Variants in COL6A6 observed in about 807,000 individuals in gnomAD.
COL6A6 encodes the protein collagen alpha-6(VI) chain.
COL6A6 carries 183 observed loss-of-function variants against 208.6 expected under a neutral mutation model. The observed-to-expected ratio is 0.88, with a 90% CI of 0.78 to 0.99. COL6A6 has a LOEUF of 0.99. Among genes scored for constraint, COL6A6 ranks in the 50% least tolerant of loss-of-function variants. The pLI is 0.00. For missense variants in COL6A6, 2,816 were observed against 2,815.2 expected, an observed-to-expected ratio of 1.00 and a Z score of -0.01; for synonymous variants, 973 against 1,011.8, an observed-to-expected ratio of 0.96 and a Z score of 0.73.
At chr3:130,628,466 A>G (rs1434555612) in intron 26 of COL6A6, among the ~76,000 whole-genome samples, 1 of 152,244 alleles carries the variant, frequency 6.6e-6, no homozygotes, top group African/African-American at 2.4e-5. Flanking sequence ...CAAAATGTAT[A>G]TAATCTTTCT....
In COL6A6 at chr3:130,563,197, G is replaced by C; in HGVS notation, c.194G>C (p.Arg65Pro). Residue 65 changes from arginine (R) to proline (P), a missense_variant, in exon 3 of 37, where the codon CGT becomes CCT. Transcript: ENST00000358511. ...CTCCCCATAGAGGCCGACAAATACC[G>C]TGTGGCCCTGGCCCAGTACAGTGAT... ...SSLPIEADKY[R>P]VALAQYSDKL... is the part of the protein sequence containing the mutation. 6.2e-7 allele frequency: 1 copy of C among 1,613,960 alleles called. No homozygotes were observed. The highest frequency in any genetic ancestry group is 8.5e-7 in the Non-Finnish European group (1 of 1,179,888).
chr3:130,590,626 G>T (rs1399722378), intron 12 of COL6A6, among the ~76,000 whole-genome samples: 1 of 151,876 alleles, frequency 6.6e-6, no homozygotes, highest in Non-Finnish European at 1.5e-5. Context: ...GGAGTGCAGT[G>T]GTGCGATCTC....
At chr3:130,572,008 C>G (rs1202579211) in intron 7 of COL6A6, among the ~76,000 whole-genome samples, 2 of 152,126 alleles carry the variant, frequency 1.3e-5, no homozygotes, top group Non-Finnish European at 2.9e-5. Context: ...GAACAGCCTT[C>G]ATTAGAACAC....
At position 130,565,364 on chromosome 3, in the gene COL6A6, A is replaced by G; in HGVS notation, c.1032A>G (p.Ser344=). 6.2e-7 allele frequency: 1 copy of G among 1,613,984 alleles called. No homozygotes were observed. The highest frequency in any genetic ancestry group is 1.6e-4 in the Middle Eastern group (1 of 6,062). Residue 344 remains serine, a synonymous_variant, in exon 4 of 37, where the codon TCA becomes TCG. Transcript: ENST00000358511. The stretch of plus-strand genomic sequence containing the variant: ...CCGTGCTGGTGACCCACCGAGATTC[A>G]GAAGACAACGTGACAAAAGCAGCTG... The part of the protein sequence containing the change: ...QIAVLVTHRD[S]EDNVTKAAVN...
chr3:130,584,279 ACT>A (rs2063486700), intron 10 of COL6A6, among the ~76,000 whole-genome samples: 1 of 152,126 alleles, frequency 6.6e-6, no homozygotes, highest in Non-Finnish European at 1.5e-5. Flanking sequence ...GGTTCTTATG[ACT>A]CTTAAAATTT....
chr3:130,596,990 C>T (rs758349066), intron 18 of COL6A6, among the ~76,000 whole-genome samples: 40 of 152,140 alleles, frequency 2.6e-4, no homozygotes, highest in Admixed American at 1.6e-3. Flanking sequence ...TAAATCGGTT[C>T]AGATTCACAT....
chr3:130,540,981 C>T (rs2062349220), intron 1 of COL6A6, among the ~76,000 whole-genome samples: 1 of 152,106 alleles, frequency 6.6e-6, no homozygotes, highest in African/African-American at 2.4e-5. Flanking sequence ...GTGCATATAT[C>T]TTTATAATAG....
intron 34 of COL6A6, among the ~76,000 whole-genome samples, chr3:130,659,473 T>C (rs1349198661): frequency 6.6e-6 from 1 of 152,244 alleles, no homozygotes; most frequent in Non-Finnish European, 1.5e-5. Context: ...ATATCAATGA[T>C]GGTGATAATG....
rs201848897 is a variant in COL6A6 at position 130,543,842 on chromosome 3, GTTTAT to G, written c.-31-16487_-31-16483del. On this transcript the variant is annotated intron_variant, in intron 1 of 36. Coordinates refer to ENST00000358511, the MANE Select transcript of COL6A6 (RefSeq NM_001102608.3). ...CTGACATACATAATTTTTCTTCTAA[GTTTAT>G]TTTAATATTTCTTGCAAAGAAGGTC... Among the ~76,000 whole-genome samples the G allele has an allele frequency of 8.7e-3, 1,307 of 150,318 alleles. 17 individuals carry two copies. Among genetic ancestry groups the G allele is most frequent in the African/African-American group, 0.031 (1,228 of 39,744 alleles).
chr3:130,600,599 G>A (rs2063984386), intron 20 of COL6A6, among the ~76,000 whole-genome samples: 1 of 152,122 alleles, frequency 6.6e-6, no homozygotes, highest in East Asian at 1.9e-4. Flanking sequence ...TCATCCTCAG[G>A]AAACTAACAC....
chr3:130,547,383 T>C (rs1577666673), intron 1 of COL6A6, among the ~76,000 whole-genome samples: 1 of 152,228 alleles, frequency 6.6e-6, no homozygotes. Flanking sequence ...CGGCACCCAC[T>C]GGGAACTCGC....
intron 19 of COL6A6, 40 bp from the exon 20 acceptor site, chr3:130,599,717 T>C (rs372501264): frequency 5.6e-6 from 9 of 1,608,562 alleles, no homozygotes; most frequent in South Asian, 2.2e-5. Flanking sequence ...CTGTCAATGC[T>C]GCATAATTAC....
rs375095337 is a variant in COL6A6, at chr3:130,652,209, C to T, written c.5733+2647C>T. Among the ~76,000 whole-genome samples, 6 of 152,260 alleles carry T rather than the reference C, an allele frequency of 3.9e-5. No homozygotes were observed. In the South Asian group the frequency reaches 6.2e-4, roughly 16 times the overall value. ...ATGCTGAATGAATGAAAAAGCTCAGCGAAGAGCAGTTCTTTGCAACAGGTA... is the reference window on the plus strand; with the variant it reads ...ATGCTGAATGAATGAAAAAGCTCAGTGAAGAGCAGTTCTTTGCAACAGGTA... On this transcript the variant is annotated intron_variant, in intron 33 of 36. Transcript: ENST00000358511.
intron 8 of COL6A6, among the ~76,000 whole-genome samples, chr3:130,578,449 G>A (rs891348628): frequency 2.0e-5 from 3 of 152,122 alleles, no homozygotes; most frequent in African/African-American, 7.2e-5. Flanking sequence ...AAGAGTGAAT[G>A]GAAGGGAAGT....
At chr3:130,615,373 A>G (rs1360383302) in intron 23 of COL6A6, among the ~76,000 whole-genome samples, 2 of 152,030 alleles carry the variant, frequency 1.3e-5, no homozygotes, top group African/African-American at 4.8e-5. Flanking sequence ...GGTCAATTTT[A>G]TGGTATATGC....
chr3:130,635,149 C>A (rs1438823638), intron 27 of COL6A6, among the ~76,000 whole-genome samples: 1 of 151,972 alleles, frequency 6.6e-6, no homozygotes, highest in Non-Finnish European at 1.5e-5. Context: ...GTGGGAGGAT[C>A]ACTTGAACCC....
In COL6A6 at chr3:130,642,464, A is replaced by G. The variant is rs150361130; in HGVS notation, c.5155-368A>G. ...GAAACTTCTGCTATGAAAGAGGGCA[A>G]CTGCACATGTGTGGCTCACTTTAGC... On this transcript the variant is annotated intron_variant, in intron 29 of 36. Transcript: ENST00000358511. Among the ~76,000 whole-genome samples, 388 of 152,170 alleles carry G rather than the reference A, an allele frequency of 2.5e-3. 1 individual carries two copies. The highest frequency in any genetic ancestry group is 9.1e-3 in the African/African-American group (379 of 41,510).
chr3:130,532,306 C>A (rs983671310), intron 1 of COL6A6, among the ~76,000 whole-genome samples: 2 of 152,172 alleles, frequency 1.3e-5, no homozygotes, highest in African/African-American at 4.8e-5. Context: ...ATTAAAGCAG[C>A]CACTTTACAG....
At chr3:130,627,872 C>T (rs17747964) in intron 26 of COL6A6, among the ~76,000 whole-genome samples, 9,428 of 152,206 alleles carry the variant, frequency 0.062, 311 homozygotes, top group African/African-American at 0.077. Flanking sequence ...TTTACCAAGA[C>T]CAGTGATTTC....
Sources: gnomAD v4.1 joint callset for allele counts (sites outside exome capture counted in the v4.1 genomes callset) on GRCh38, gnomAD v4.1.1 for gene constraint, MANE v1.5 for transcripts, NCBI Gene and HGNC (gene_info 2026-07-23, HGNC 2026-07-21) for gene names.